ZNF385D: variants seen among roughly 807,000 people sequenced by gnomAD.
ZNF385D encodes the protein zinc finger protein 659.
ZNF385D carries 15 observed loss-of-function variants against 35.8 expected under a neutral mutation model. The observed-to-expected ratio is 0.42, with a 90% CI of 0.28 to 0.64. The LOEUF (loss-of-function observed/expected upper bound fraction) is 0.64. ZNF385D is among the 30% of genes least tolerant of loss of function. ZNF385D has a pLI of 0.23. For synonymous variants in ZNF385D, 212 were observed against 186.8 expected, an observed-to-expected ratio of 1.13 and a Z score of -1.10; for missense variants, 474 against 494.6, an observed-to-expected ratio of 0.96 and a Z score of 0.39.
intron 3 of ZNF385D, among the ~76,000 whole-genome samples, chr3:22,162,554 TA>T (rs1352791098): frequency 6.6e-6 from 1 of 152,170 alleles, no homozygotes; most frequent in Non-Finnish European, 1.5e-5. Flanking sequence ...AGAGATTTTT[TA>T]TAGGCATAAC....
chr3:22,369,948 A>C (rs1425869626), intron 2 of ZNF385D, among the ~76,000 whole-genome samples: 1 of 152,192 alleles, frequency 6.6e-6, no homozygotes, highest in Admixed American at 6.5e-5. Flanking sequence ...GAAATGCAAC[A>C]TTTTAATTAA....
chr3:21,964,965 G>A (rs974512859), intron 3 of ZNF385D, among the ~76,000 whole-genome samples: 14 of 152,100 alleles, frequency 9.2e-5, no homozygotes, highest in Non-Finnish European at 1.3e-4. Context: ...ATAAAAATAC[G>A]TTAGCACTTA....
In ZNF385D at chr3:22,268,849, C is replaced by A. The variant is rs57858138; in HGVS notation, c.107-99814G>T. On this transcript the variant is annotated intron_variant, in intron 2 of 5. Transcript: ENST00000494108. ...GTATAGCCTCATGTAGTTACTCTACCCAATTTTCTCAGTTTCCTTATCTGG... is the reference window on the plus strand; with the variant it reads ...GTATAGCCTCATGTAGTTACTCTACACAATTTTCTCAGTTTCCTTATCTGG... 9.5e-3 allele frequency among the ~76,000 whole-genome samples: 1,447 copies of A among 151,862 alleles called. 29 individuals are homozygous for A. Among genetic ancestry groups the A allele is most frequent in the African/African-American group, 0.033 (1,357 of 41,468 alleles).
intron 2 of ZNF385D, among the ~76,000 whole-genome samples, chr3:22,199,554 G>T (rs962274954): frequency 6.6e-6 from 1 of 152,088 alleles, no homozygotes; most frequent in Non-Finnish European, 1.5e-5. Context: ...GAAAAAGTCT[G>T]TAATGTACAC....
chr3:21,970,312 A>G (rs2125338804), intron 3 of ZNF385D, among the ~76,000 whole-genome samples: 1 of 152,292 alleles, frequency 6.6e-6, no homozygotes, highest in African/African-American at 2.4e-5. Context: ...AAGAAATTTA[A>G]GATAATTCAG....
rs1365209120 is a variant in ZNF385D, at chr3:21,800,551, T to C, written c.326-135523A>G. 1.1e-4 allele frequency among the ~76,000 whole-genome samples: 17 copies of C among 152,324 alleles called. No homozygotes were observed. The East Asian group carries it at 3.3e-3, about 29-fold the overall frequency. On this transcript the variant is annotated intron_variant, in intron 3 of 5. Coordinates refer to the ZNF385D transcript ENST00000494108. ...CACTACGGAGGCTAAGGCAGGAGCA[T>C]TGCTTGAATCAAGGAATTTAAGGCC...
At chr3:21,489,590 G>T (rs892370535) in intron 4 of ZNF385D, among the ~76,000 whole-genome samples, 2 of 152,082 alleles carry the variant, frequency 1.3e-5, no homozygotes, top group African/African-American at 4.8e-5. Context: ...GACATGTGAT[G>T]TCAAACCAAC....
At chr3:22,023,808 A>C (rs1419805710) in intron 3 of ZNF385D, among the ~76,000 whole-genome samples, 1 of 152,088 alleles carries the variant, frequency 6.6e-6, no homozygotes, top group Non-Finnish European at 1.5e-5. Flanking sequence ...AAAAGCAAGA[A>C]CTTGGAAGAG....
intron 2 of ZNF385D, among the ~76,000 whole-genome samples, chr3:22,217,383 A>G (rs923937311): frequency 9.9e-5 from 15 of 152,136 alleles, no homozygotes; most frequent in Admixed American, 2.0e-4. Context: ...CTTCCTTCAA[A>G]GAAGGCATCT....
chr3:21,437,701 CAAAAAA>C (rs751739275), intron 4 of ZNF385D, among the ~76,000 whole-genome samples: 1 of 77,196 alleles, frequency 1.3e-5, no homozygotes, highest in Admixed American at 1.9e-4. Flanking sequence ...AATGCTTATA[CAAAAAA>C]AAAAAAAAAA....
At chr3:21,918,689 C>T (rs1055893493) in intron 3 of ZNF385D, among the ~76,000 whole-genome samples, 1 of 152,066 alleles carries the variant, frequency 6.6e-6, no homozygotes, top group East Asian at 1.9e-4. Context: ...TGACATTATT[C>T]TTCTTTGTCT....
intron 3 of ZNF385D, among the ~76,000 whole-genome samples, chr3:21,767,130 G>C (rs191244540): frequency 2.1e-5 from 3 of 140,212 alleles, no homozygotes; most frequent in Admixed American, 8.0e-5. Context: ...AATTGAAACA[G>C]AATTTGGTAG....
intron 3 of ZNF385D, among the ~76,000 whole-genome samples, chr3:21,870,384 A>G (rs1353180851): frequency 6.6e-6 from 1 of 152,202 alleles, no homozygotes; most frequent in Non-Finnish European, 1.5e-5. Flanking sequence ...CCATACTAAC[A>G]GTAAGATGTG....
At chr3:22,087,920 T>G (rs1701130675) in intron 3 of ZNF385D, among the ~76,000 whole-genome samples, 1 of 152,198 alleles carries the variant, frequency 6.6e-6, no homozygotes, top group Non-Finnish European at 1.5e-5. Flanking sequence ...ATGTTTCCTT[T>G]TATCAACATT....
intron 2 of ZNF385D, among the ~76,000 whole-genome samples, chr3:22,332,800 G>A (rs1432840725): frequency 6.6e-6 from 1 of 151,868 alleles, no homozygotes; most frequent in Non-Finnish European, 1.5e-5. Context: ...TAATTGCTAT[G>A]TTTCTGGAAA....
chr3:22,218,616 T>C (rs1447118878), intron 2 of ZNF385D, among the ~76,000 whole-genome samples: 3 of 152,142 alleles, frequency 2.0e-5, no homozygotes. Context: ...TTGAACAGAA[T>C]ATTAGAATCT....
rs770814175 is a variant in ZNF385D, at chr3:21,574,231, C to T, written c.166-9547G>A. 6.6e-5 allele frequency among the ~76,000 whole-genome samples: 10 copies of T among 152,062 alleles called. 1 individual carries two copies. In the South Asian group the frequency reaches 1.2e-3, roughly 19 times the overall value. On this transcript the variant is annotated intron_variant, in intron 2 of 7. Coordinates refer to ENST00000281523, the MANE Select transcript of ZNF385D (RefSeq NM_024697.3). ...TTGACAAAAATATAGAACTTGAATG[C>T]GATCAAGACTCTAGATGTAATTGTC... is the stretch of plus-strand genomic sequence containing the variant.
intron 7 of ZNF385D, among the ~76,000 whole-genome samples, chr3:21,423,673 A>T (rs986857123): frequency 2.6e-5 from 4 of 152,212 alleles, no homozygotes; most frequent in African/African-American, 9.6e-5. Flanking sequence ...AACAATACAA[A>T]TACTTTGTCT....
At chr3:22,042,498 C>A (rs997591772) in intron 3 of ZNF385D, among the ~76,000 whole-genome samples, 1 of 152,048 alleles carries the variant, frequency 6.6e-6, no homozygotes, top group African/African-American at 2.4e-5. Flanking sequence ...AGGTATCGTT[C>A]TGCAGTAGAA....
Sources: gnomAD v4.1 joint callset for allele counts (sites outside exome capture counted in the v4.1 genomes callset) on GRCh38, gnomAD v4.1.1 for gene constraint, MANE v1.5 for transcripts, NCBI Gene and HGNC (gene_info 2026-07-23, HGNC 2026-07-21) for gene names.